Variants in BBX observed in about 807,000 individuals in gnomAD.
The protein encoded by BBX is BBX high mobility group box domain containing.
Under a neutral mutation model 100.2 loss-of-function variants are expected in BBX, and 30 were observed. That is an observed-to-expected ratio of 0.30 (90% CI 0.22 to 0.41). The LOEUF (loss-of-function observed/expected upper bound fraction) is 0.41. Among genes scored for constraint, BBX ranks in the 10% least tolerant of loss-of-function variants. The pLI is 1.00. For missense variants in BBX, 1,023 were observed against 1,129.8 expected (o/e 0.91, Z 1.35); for synonymous variants, 376 against 388.1 (o/e 0.97, Z 0.37).
Position 107,773,020 on chromosome 3 carries a change from T to C in BBX, c.1299T>C (p.His433=). The C allele has an allele frequency of 6.2e-7, 1 of 1,614,012 alleles. No homozygotes were observed. Among genetic ancestry groups the C allele is most frequent in the Admixed American group, 1.7e-5 (1 of 60,016 alleles). ...PSRKDHMCHP[H]GIMIIEDPAA... is the part of the protein sequence containing the mutation. The stretch of plus-strand genomic sequence containing the variant: ...GAAAGGATCATATGTGCCATCCTCA[T>C]GGAATTATGATCATTGAGGATCCCG... The change falls in exon 11 of 18, where the codon CAT becomes CAC. Residue 433 remains histidine, a synonymous_variant. Transcript: ENST00000325805. The surrounding 1 kb of genome is among the most constrained non-coding windows in gnomAD (Gnocchi z 4.1).
At chr3:107,618,063 A>T (rs2055429943) in intron 2 of BBX, among the ~76,000 whole-genome samples, 1 of 151,856 alleles carries the variant, frequency 6.6e-6, no homozygotes, top group African/African-American at 2.4e-5. Flanking sequence ...TCCTAACTTC[A>T]TTTAAGTTTT....
At chr3:107,753,625 C>T (rs531737571) in intron 9 of BBX, among the ~76,000 whole-genome samples, 1 of 152,266 alleles carries the variant, frequency 6.6e-6, no homozygotes, top group African/African-American at 2.4e-5. Flanking sequence ...CTCAGTGTGC[C>T]ATGCACTGCA....
intron 17 of BBX, 116 bp downstream of exon 17, chr3:107,801,397 T>C: frequency 1.8e-6 from 2 of 1,100,414 alleles, no homozygotes; most frequent in Admixed American, 2.7e-5. Flanking sequence ...AAGAGCACTA[T>C]TGGTTATATG....
chr3:107,606,737 A>T (rs1274972619), intron 2 of BBX, among the ~76,000 whole-genome samples: 1 of 152,202 alleles, frequency 6.6e-6, no homozygotes, highest in Non-Finnish European at 1.5e-5. Context: ...ATGTATAATA[A>T]TCACATCAGG....
At chr3:107,596,736 G>A (rs1009065070) in intron 2 of BBX, among the ~76,000 whole-genome samples, 3 of 152,162 alleles carry the variant, frequency 2.0e-5, no homozygotes, top group African/African-American at 7.2e-5. Flanking sequence ...ATGGGAAAGA[G>A]TTCCCCATTT....
chr3:107,554,399 T>C (rs936283011), intron 2 of BBX, among the ~76,000 whole-genome samples: 1 of 152,242 alleles, frequency 6.6e-6, no homozygotes, highest in African/African-American at 2.4e-5. Context: ...TCATTTCACT[T>C]ACTTTTGAAA....
intron 2 of BBX, among the ~76,000 whole-genome samples, chr3:107,528,310 G>C (rs2047920348): frequency 6.6e-6 from 1 of 152,060 alleles, no homozygotes; most frequent in Non-Finnish European, 1.5e-5. Flanking sequence ...TCTCTGTTAG[G>C]TTCTGAAACT....
intron 2 of BBX, among the ~76,000 whole-genome samples, chr3:107,592,199 G>A (rs1009395221): frequency 6.6e-6 from 1 of 151,452 alleles, no homozygotes; most frequent in African/African-American, 2.4e-5. Context: ...AATGTTTTGG[G>A]TTAAAAATGG....
At chr3:107,774,962 C>T (rs2067208003) in intron 12 of BBX, 105 bp downstream of exon 12, 1 of 1,347,506 alleles carries the variant, frequency 7.4e-7, no homozygotes, top group Non-Finnish European at 9.9e-7. Flanking sequence ...TCTTTGACTA[C>T]TCGCTCAGGA....
At chr3:107,590,970 G>A (rs765351704) in intron 2 of BBX, among the ~76,000 whole-genome samples, 1 of 152,138 alleles carries the variant, frequency 6.6e-6, no homozygotes, top group African/African-American at 2.4e-5. Flanking sequence ...CAGTATTGCC[G>A]GAAACTTAGT....
At chr3:107,651,824 A>T (rs773067841) in intron 3 of BBX, among the ~76,000 whole-genome samples, 18 of 152,058 alleles carry the variant, frequency 1.2e-4, no homozygotes, top group Admixed American at 4.6e-4. Context: ...TAGGTAATGG[A>T]TGCTTGAATT....
chr3:107,584,614 G>A (rs1279421209), intron 2 of BBX, among the ~76,000 whole-genome samples: 5 of 136,878 alleles, frequency 3.7e-5, no homozygotes, highest in Non-Finnish European at 1.5e-5. Context: ...GTGCAGAATT[G>A]ATCAAAACTT....
chr3:107,567,705 A>G (rs7649664), intron 2 of BBX, among the ~76,000 whole-genome samples: 7,680 of 152,192 alleles, frequency 0.05, 621 homozygotes, highest in African/African-American at 0.17. Flanking sequence ...GTAACTCTGA[A>G]TAGCCTGTTT....
At chr3:107,614,610 C>A (rs2107666474) in intron 2 of BBX, among the ~76,000 whole-genome samples, 1 of 152,282 alleles carries the variant, frequency 6.6e-6, no homozygotes, top group South Asian at 2.1e-4. Flanking sequence ...GTAGTATTTT[C>A]ATATAACATA....
At chr3:107,629,172 G>A (rs1042433271) in intron 2 of BBX, among the ~76,000 whole-genome samples, 2 of 152,108 alleles carry the variant, frequency 1.3e-5, no homozygotes, top group African/African-American at 4.8e-5. Context: ...TTCTCAGGTT[G>A]TTCAGTAGCT....
intron 2 of BBX, among the ~76,000 whole-genome samples, chr3:107,542,596 A>T (rs937295244): frequency 6.6e-6 from 1 of 152,222 alleles, no homozygotes; most frequent in East Asian, 1.9e-4. Context: ...TTAAGCAGTG[A>T]TGTAAACCAT....
In BBX at chr3:107,810,983, G is replaced by T. The variant is rs1424220972; in HGVS notation, c.*5526G>T. On this transcript the variant is annotated 3_prime_UTR_variant, in exon 18 of 18. Transcript: ENST00000325805. ...GGTGTAAACATGCCATGTAATAAAT[G>T]ATTTCCACTTAATGGTACAACAGAA... 1 of 151,542 alleles carries T rather than the reference G, an allele frequency of 6.6e-6. No homozygotes were observed. The highest frequency in any genetic ancestry group is 1.5e-5 in the Non-Finnish European group (1 of 67,956). The allele number at this position is 151,542 out of a possible 1,614,324, so 9.4% of individuals were successfully genotyped here. A position where few individuals can be genotyped will look rare whatever the true frequency, so the allele number is the denominator to read the frequency against.
intron 13 of BBX, among the ~76,000 whole-genome samples, chr3:107,784,717 A>G (rs1264277874): frequency 1.3e-5 from 2 of 151,930 alleles, no homozygotes; most frequent in Non-Finnish European, 2.9e-5. Context: ...GAAATCTCAA[A>G]TAAGTAGCCT....
chr3:107,741,764 A>G (rs1470796708), intron 7 of BBX, among the ~76,000 whole-genome samples: 2 of 152,238 alleles, frequency 1.3e-5, no homozygotes, highest in Non-Finnish European at 2.9e-5. Flanking sequence ...ATATGGCACA[A>G]TATTTTAAAC....
Sources: gnomAD v4.1 joint callset for allele counts (sites outside exome capture counted in the v4.1 genomes callset) on GRCh38, gnomAD v4.1.1 for gene constraint, Gnocchi (gnomAD v3.1) non-coding constraint, MANE v1.5 for transcripts, NCBI Gene and HGNC (gene_info 2026-07-23, HGNC 2026-07-21) for gene names.